Variants in CUX1 observed in about 807,000 individuals in gnomAD.
The protein encoded by CUX1 is cut like homeobox 1, also known as protein CASP.
A neutral mutation model predicts 158.8 loss-of-function variants in CUX1; 31 were observed. The observed-to-expected ratio is 0.20, with a 90% confidence interval of 0.15 to 0.26. CUX1 has a LOEUF of 0.26. Among genes scored for constraint, CUX1 ranks in the 10% least tolerant of loss-of-function variants. The pLI, the probability that CUX1 is intolerant of heterozygous loss-of-function variation, is 1.00. For missense variants in CUX1, 1,589 were observed against 2,014.6 expected (o/e 0.79, Z 4.04); for synonymous variants, 879 against 862.1 (o/e 1.02, Z -0.34).
intron 1 of CUX1, among the ~76,000 whole-genome samples, chr7:101,825,666 A>AGAAG (rs1396789507): frequency 6.6e-6 from 1 of 151,926 alleles, no homozygotes; most frequent in Non-Finnish European, 1.5e-5. Flanking sequence ...CAGGGGAGTA[A>AGAAG]GAAGTAGTTT....
At chr7:101,818,921 A>G (rs1475913575) in intron 1 of CUX1, 1 of 152,214 alleles carries the variant, frequency 6.6e-6, no homozygotes, top group East Asian at 1.9e-4. Context: ...ACCTGGGGGT[A>G]AAGAGGCTGA....
chr7:101,973,719 G>A (rs1812275377), intron 2 of CUX1, among the ~76,000 whole-genome samples: 1 of 151,712 alleles, frequency 6.6e-6, no homozygotes, highest in Non-Finnish European at 1.5e-5. Flanking sequence ...TATGGGACAG[G>A]CACTTTCTAT....
At chr7:102,089,366 G>C (rs1445032008) in intron 4 of CUX1, among the ~76,000 whole-genome samples, 1 of 152,098 alleles carries the variant, frequency 6.6e-6, no homozygotes, top group Non-Finnish European at 1.5e-5. Flanking sequence ...ATTTCCTATT[G>C]AATTTTAGAC....
At chr7:102,132,904 CAA>C (rs1279681679) in intron 8 of CUX1, among the ~76,000 whole-genome samples, 1 of 151,992 alleles carries the variant, frequency 6.6e-6, no homozygotes, top group Non-Finnish European at 1.5e-5. Flanking sequence ...CTCCTGACCT[CAA>C]GTGATTCACC....
intron 1 of CUX1, among the ~76,000 whole-genome samples, chr7:101,833,536 C>G (rs931450475): frequency 8.7e-6 from 1 of 115,384 alleles, no homozygotes; most frequent in African/African-American, 3.5e-5. Context: ...GCCTGGGTGA[C>G]AGAGCAAGAG....
intron 20 of CUX1, among the ~76,000 whole-genome samples, chr7:102,216,882 A>T (rs982812246): frequency 3.1e-4 from 17 of 54,050 alleles, no homozygotes; most frequent in African/African-American, 8.5e-4. Flanking sequence ...CACACACATT[A>T]TCTCACACAC....
intron 1 of CUX1, among the ~76,000 whole-genome samples, chr7:101,885,640 G>A (rs1369984363): frequency 6.6e-6 from 1 of 152,146 alleles, no homozygotes; most frequent in Non-Finnish European, 1.5e-5. Flanking sequence ...GTCCTTAAAG[G>A]CCAGCTCAGT....
At chr7:102,088,527 G>A (rs1224602125) in intron 4 of CUX1, among the ~76,000 whole-genome samples, 1 of 151,978 alleles carries the variant, frequency 6.6e-6, no homozygotes, top group Non-Finnish European at 1.5e-5. Context: ...CCAGCTACTC[G>A]GGAGGCTGAG....
chr7:101,925,118 C>A (rs1363690651), intron 2 of CUX1, among the ~76,000 whole-genome samples: 3 of 152,070 alleles, frequency 2.0e-5, no homozygotes, highest in African/African-American at 7.2e-5. Context: ...CACAATGGGG[C>A]CTTTTTTTGA....
chr7:102,282,050 T>A, intron 21 of CUX1: 1 of 704,470 alleles, frequency 1.4e-6, no homozygotes, highest in Non-Finnish European at 2.6e-6. Context: ...CTTGCGGCCA[T>A]GCCTCTCCCC....
chr7:102,127,013 A>G, intron 8 of CUX1, among the ~76,000 whole-genome samples: 1 of 152,122 alleles, frequency 6.6e-6, no homozygotes, highest in East Asian at 1.9e-4. Flanking sequence ...TTGCACTCCT[A>G]TGAGAATCTA....
intron 1 of CUX1, among the ~76,000 whole-genome samples, chr7:101,884,626 G>A (rs542303861): frequency 8.5e-5 from 13 of 152,346 alleles, no homozygotes; most frequent in African/African-American, 2.6e-4. Context: ...AGTGATCCCT[G>A]AGAGAGATAC....
At chr7:102,006,307 T>A (rs1817370437) in intron 2 of CUX1, among the ~76,000 whole-genome samples, 1 of 152,194 alleles carries the variant, frequency 6.6e-6, no homozygotes, top group Non-Finnish European at 1.5e-5. Context: ...CGTCAGGCTC[T>A]CTGCTGACCA....
intron 8 of CUX1, among the ~76,000 whole-genome samples, chr7:102,116,999 A>G (rs917607911): frequency 4.1e-4 from 63 of 152,138 alleles, no homozygotes; most frequent in Non-Finnish European, 6.5e-4. Context: ...GGCCATTGCA[A>G]TCCAGCATGC....
At chr7:102,095,004 T>G (rs1257557709) in intron 4 of CUX1, among the ~76,000 whole-genome samples, 2 of 138,498 alleles carry the variant, frequency 1.4e-5, no homozygotes, top group African/African-American at 5.1e-5. Flanking sequence ...AAGATAGCAT[T>G]TTTTTTTTTT....
chr7:102,067,347 C>T (rs1437972045), intron 3 of CUX1, among the ~76,000 whole-genome samples: 1 of 147,420 alleles, frequency 6.8e-6, no homozygotes, highest in African/African-American at 2.5e-5. Flanking sequence ...AAGCAATTCT[C>T]CTGCCTCAGC....
At chr7:102,189,254 A>G (rs1251490030) in intron 11 of CUX1, among the ~76,000 whole-genome samples, 2 of 151,580 alleles carry the variant, frequency 1.3e-5, no homozygotes, top group Admixed American at 1.3e-4. Context: ...ACACCAGGAA[A>G]GCCTCTCCTC....
intron 1 of CUX1, among the ~76,000 whole-genome samples, chr7:101,898,105 T>TG (rs1421176698): frequency 4.0e-5 from 6 of 151,594 alleles, no homozygotes; most frequent in African/African-American, 7.3e-5. Flanking sequence ...GGGGAATGGT[T>TG]GGGGGGGACC....
chr7:101,904,429 T>G (rs554904145), intron 1 of CUX1, among the ~76,000 whole-genome samples: 5 of 152,280 alleles, frequency 3.3e-5, no homozygotes, highest in South Asian at 2.1e-4. Flanking sequence ...GCTGAACAGA[T>G]TCAAGAGAAT....
Sources: gnomAD v4.1 joint callset for allele counts (sites outside exome capture counted in the v4.1 genomes callset) on GRCh38, gnomAD v4.1.1 for gene constraint, MANE v1.5 for transcripts, NCBI Gene and HGNC (gene_info 2026-07-23, HGNC 2026-07-21) for gene names.